PRKN: variants seen among roughly 807,000 people sequenced by gnomAD.
PRKN encodes the protein parkin RBR E3 ubiquitin protein ligase, also known as E3 ubiquitin-protein ligase parkin.
Under a neutral mutation model 59.5 loss-of-function variants are expected in PRKN, and 56 were observed. The observed-to-expected ratio is 0.94, with a 90% CI of 0.76 to 1.18. The LOEUF (loss-of-function observed/expected upper bound fraction) is 1.18, where lower values mean the gene tolerates loss of function less well. PRKN is among the 50% of genes most tolerant of loss of function. The probability of loss-of-function intolerance (pLI) is 0.00; values close to 1 mark genes in which losing one functional copy is unlikely to be tolerated. For missense variants in PRKN, 657 were observed against 596.4 expected (o/e 1.10, Z -1.06); for synonymous variants, 250 against 222.1 (o/e 1.13, Z -1.12).
intron 6 of PRKN, among the ~76,000 whole-genome samples, chr6:161,892,347 C>G (rs1795373781): frequency 6.6e-6 from 1 of 151,024 alleles, no homozygotes; most frequent in Admixed American, 6.6e-5. Flanking sequence ...AAGAGGATCG[C>G]TTGAGGCCAG....
At chr6:161,803,859 C>T (rs1284524258) in intron 6 of PRKN, among the ~76,000 whole-genome samples, 1 of 152,212 alleles carries the variant, frequency 6.6e-6, no homozygotes, top group African/African-American at 2.4e-5. Context: ...AAGCAAAGAC[C>T]TCAAGTCCGA....
At chr6:162,431,288 C>T (rs1051590210) in intron 2 of PRKN, among the ~76,000 whole-genome samples, 13 of 149,008 alleles carry the variant, frequency 8.7e-5, no homozygotes, top group Admixed American at 6.7e-4. Flanking sequence ...GAGATGACTT[C>T]GTAACCAACA....
At position 161,401,338 on chromosome 6, in the gene PRKN, T is replaced by C. The variant is rs751237013; in HGVS notation, c.1084-14461A>G. ...TTTAAAAGTTAGAGTTGGCCGGGCA[T>C]GGTGGCTCACATCTGTAATCCCAGC... On this transcript the variant is annotated intron_variant, in intron 9 of 11. Coordinates refer to ENST00000366898, the MANE Select transcript of PRKN (RefSeq NM_004562.3). The surrounding 1 kb of genome is among the most constrained non-coding windows in gnomAD (Gnocchi z 4.4). Among the ~76,000 whole-genome samples the C allele has an allele frequency of 6.6e-6, 1 of 152,158 alleles. No individual in the cohort carries two copies. The highest frequency in any genetic ancestry group is 1.5e-5 in the Non-Finnish European group (1 of 68,020).
intron 4 of PRKN, among the ~76,000 whole-genome samples, chr6:162,172,951 G>T (rs1420022041): frequency 6.6e-6 from 1 of 152,076 alleles, no homozygotes; most frequent in East Asian, 1.9e-4. Context: ...ACCCCCTGAG[G>T]GGCTGAACCC....
At chr6:162,493,819 G>A (rs1792930953) in intron 1 of PRKN, among the ~76,000 whole-genome samples, 1 of 152,154 alleles carries the variant, frequency 6.6e-6, no homozygotes, top group Middle Eastern at 3.2e-3. Flanking sequence ...AAATAAAGAT[G>A]GAGAAGAAGG....
chr6:162,161,306 T>C (rs764928808), intron 4 of PRKN, among the ~76,000 whole-genome samples: 22 of 152,030 alleles, frequency 1.4e-4, no homozygotes, highest in Non-Finnish European at 2.7e-4. Context: ...TCCAGCCCAG[T>C]ACCCCCTAGG....
intron 2 of PRKN, among the ~76,000 whole-genome samples, chr6:162,417,307 A>G (rs1488282791): frequency 6.6e-6 from 1 of 152,192 alleles, no homozygotes; most frequent in Admixed American, 6.5e-5. Context: ...TTCCATTTAT[A>G]GCACTCTTGA....
chr6:162,535,126 C>G (rs1435261985), intron 1 of PRKN, among the ~76,000 whole-genome samples: 1 of 152,134 alleles, frequency 6.6e-6, no homozygotes, highest in Non-Finnish European at 1.5e-5. Flanking sequence ...AGATCTATAT[C>G]TCACCAGAGT....
chr6:162,181,370 C>A (rs1344304253), intron 4 of PRKN, among the ~76,000 whole-genome samples: 1 of 152,174 alleles, frequency 6.6e-6, no homozygotes, highest in African/African-American at 2.4e-5. Context: ...CTTGGTGTTA[C>A]CAACATCTGC....
intron 6 of PRKN, among the ~76,000 whole-genome samples, chr6:161,867,759 T>TTATTTATTTATGTATTTATG (rs1554236202): frequency 5.0e-4 from 75 of 150,228 alleles, no homozygotes; most frequent in African/African-American, 1.7e-3. Context: ...ATTTATTTAT[T>TTATTTATTTATGTATTTATG]TATTTATTTA....
At chr6:162,239,708 G>C (rs1474564645) in intron 3 of PRKN, among the ~76,000 whole-genome samples, 3 of 151,950 alleles carry the variant, frequency 2.0e-5, no homozygotes, top group African/African-American at 7.3e-5. Context: ...CCATTCCCAG[G>C]CATTACAGTG....
intron 2 of PRKN, among the ~76,000 whole-genome samples, chr6:162,361,627 G>A (rs1442671983): frequency 1.3e-5 from 2 of 152,114 alleles, no homozygotes; most frequent in Admixed American, 1.3e-4. Flanking sequence ...AGAGAAAATG[G>A]AGAGAAATTT....
intron 4 of PRKN, among the ~76,000 whole-genome samples, chr6:162,078,920 T>C (rs550400065): frequency 2.0e-5 from 3 of 152,198 alleles, no homozygotes; most frequent in South Asian, 4.1e-4. Context: ...AGATTTAATT[T>C]AATAGATCAG....
At chr6:161,875,062 T>G (rs1229689972) in intron 6 of PRKN, among the ~76,000 whole-genome samples, 1 of 122,256 alleles carries the variant, frequency 8.2e-6, no homozygotes, top group Non-Finnish European at 1.6e-5. Flanking sequence ...ATAAAGTATA[T>G]ACATTATATA....
Position 161,395,768 on chromosome 6 carries a change from C to T in PRKN, c.1084-8891G>A, listed in dbSNP as rs1786726539. ...CACGTTTAAGTCTTGTCTACACAGC[C>T]AAAGCTGGGTCAGGAGTGGCCTGTG... On this transcript the variant is annotated intron_variant, in intron 9 of 11. Transcript: ENST00000366898. The surrounding 1 kb of genome is among the most constrained non-coding windows in gnomAD (Gnocchi z 5.0). Among the ~76,000 whole-genome samples, 2 of 152,200 alleles carry T rather than the reference C, an allele frequency of 1.3e-5. No homozygotes were observed. Among genetic ancestry groups the T allele is most frequent in the South Asian group, 4.1e-4 (2 of 4,834 alleles).
At chr6:162,286,773 C>A (rs370451541) in intron 2 of PRKN, among the ~76,000 whole-genome samples, 18 of 152,264 alleles carry the variant, frequency 1.2e-4, no homozygotes, top group African/African-American at 4.3e-4. Context: ...TTAAACAGAT[C>A]AAGCATTTTA....
intron 1 of PRKN, among the ~76,000 whole-genome samples, chr6:162,575,857 C>T (rs1009154407): frequency 2.6e-5 from 4 of 152,198 alleles, no homozygotes; most frequent in Non-Finnish European, 4.4e-5. Context: ...AGAGAACAAT[C>T]GGCCTGGAGG....
Position 161,790,710 on chromosome 6 carries a change from C to T in PRKN, c.735-4802G>A, listed in dbSNP as rs150995477. Among the ~76,000 whole-genome samples, 281 of 152,214 alleles carry T rather than the reference C, an allele frequency of 1.8e-3. 1 individual carries two copies. Among genetic ancestry groups the T allele is most frequent in the African/African-American group, 6.5e-3 (272 of 41,548 alleles). On this transcript the variant is annotated intron_variant, in intron 6 of 11. Transcript: ENST00000366898. ...CTTTGATCTAGGACTTCCCAGTCTCCGGAACCGTGAGAAATAAATTCCTGT... is the reference window on the plus strand; with the variant it reads ...CTTTGATCTAGGACTTCCCAGTCTCTGGAACCGTGAGAAATAAATTCCTGT...
chr6:162,402,433 C>G (rs1384229906), intron 2 of PRKN, among the ~76,000 whole-genome samples: 4 of 151,948 alleles, frequency 2.6e-5, no homozygotes, highest in Non-Finnish European at 4.4e-5. Flanking sequence ...CTCACAGTTG[C>G]CCCCCTACTC....
Sources: allele counts gnomAD v4.1 joint callset (sites outside exome capture counted in the v4.1 genomes callset), GRCh38; gene constraint gnomAD v4.1.1; non-coding constraint Gnocchi (gnomAD v3.1); transcripts MANE v1.5; gene names NCBI Gene and HGNC (gene_info 2026-07-23, HGNC 2026-07-21).